The following AGBL3 variants were observed in gnomAD, a reference collection of about 807,000 sequenced individuals.
AGBL3 encodes the protein cytosolic carboxypeptidase 3.
Under a neutral mutation model 94.5 loss-of-function variants are expected in AGBL3, and 68 were observed. The observed-to-expected ratio is 0.72, with a 90% CI of 0.59 to 0.88. The LOEUF is 0.88. AGBL3 is among the 40% of genes least tolerant of loss of function. AGBL3 has a pLI of 0.00. For synonymous variants in AGBL3, 354 were observed against 370.7 expected, an observed-to-expected ratio of 0.95 and a Z score of 0.52; for missense variants, 934 against 1,103.8, an observed-to-expected ratio of 0.85 and a Z score of 2.18.
intron 15 of AGBL3, among the ~76,000 whole-genome samples, chr7:135,108,949 G>T (rs758889363): frequency 2.8e-4 from 42 of 152,150 alleles, no homozygotes; most frequent in Non-Finnish European, 5.3e-4. Flanking sequence ...CAAGCTCCAA[G>T]ATTCTTTCCT....
intron 8 of AGBL3, among the ~76,000 whole-genome samples, chr7:135,040,705 G>A (rs906342200): frequency 6.6e-6 from 1 of 152,108 alleles, no homozygotes; most frequent in South Asian, 2.1e-4. Flanking sequence ...TCTGCCCAAG[G>A]TCAGGAAGAA....
intron 11 of AGBL3, among the ~76,000 whole-genome samples, chr7:135,054,910 A>C (rs1486358832): frequency 6.6e-6 from 1 of 152,232 alleles, no homozygotes; most frequent in African/African-American, 2.4e-5. Flanking sequence ...AGGTTTATTT[A>C]GCTCATAGTT....
chr7:135,087,018 T>C (rs868243263), intron 15 of AGBL3, among the ~76,000 whole-genome samples: 2 of 152,022 alleles, frequency 1.3e-5, no homozygotes, highest in South Asian at 2.1e-4. Context: ...ACAGATTCAA[T>C]CATTACTCAT....
Position 135,059,198 on chromosome 7 carries a change from T to G in AGBL3, c.1871T>G (p.Ile624Ser). ...SSRGSDSSES[I>S]DSLTYLLKLT... ...CGAGGCTCTGACAGTTCAGAATCCA[T>G]TGACTCTCTGACTTACCTTCTCAAG... is the stretch of plus-strand genomic sequence containing the variant. The change falls in exon 12 of 17, where the codon ATT (isoleucine) becomes AGT (serine). Residue 624 changes from isoleucine to serine, a missense_variant. Ile to Ser is a moderately radical substitution (Grantham distance 142, BLOSUM62 -2). Coordinates refer to ENST00000436302, the MANE Select transcript of AGBL3 (RefSeq NM_178563.4). 6.4e-7 allele frequency: 1 copy of G among 1,551,350 alleles called. No homozygotes were observed.
chr7:135,073,258 A>C (rs1184749498), intron 12 of AGBL3, among the ~76,000 whole-genome samples: 4 of 151,884 alleles, frequency 2.6e-5, no homozygotes. Flanking sequence ...ACGAGGTCAG[A>C]AGTTCAAGAC....
intron 11 of AGBL3, among the ~76,000 whole-genome samples, chr7:135,053,857 G>A (rs1001651647): frequency 6.6e-6 from 1 of 152,080 alleles, no homozygotes; most frequent in East Asian, 1.9e-4. Flanking sequence ...CAATGTCTTC[G>A]ATTTTAAGAA....
chr7:135,056,223 A>G (rs1461332838), intron 11 of AGBL3, among the ~76,000 whole-genome samples: 1 of 151,874 alleles, frequency 6.6e-6, no homozygotes, highest in Non-Finnish European at 1.5e-5. Context: ...GTGTTCATTG[A>G]TTATTGATTC....
chr7:134,993,403 G>A, intron 3 of AGBL3, 90 bp from the exon 4 acceptor site: 1 of 1,113,196 alleles, frequency 9.0e-7, no homozygotes, highest in Admixed American at 3.0e-5. Context: ...ATTGAATAGT[G>A]TTGAAAGGAA....
At chr7:135,005,128 A>G (rs1216673133) in intron 4 of AGBL3, among the ~76,000 whole-genome samples, 1 of 151,610 alleles carries the variant, frequency 6.6e-6, no homozygotes, top group African/African-American at 2.4e-5. Flanking sequence ...TCTTTATCCA[A>G]TTAAGTCCTT....
chr7:135,011,460 AAC>A (rs1813144940), intron 4 of AGBL3: 1 of 152,206 alleles, frequency 6.6e-6, no homozygotes, highest in African/African-American at 2.4e-5. Context: ...CAAAAAATAA[AAC>A]GAGGCAAACA....
At chr7:135,030,200 G>A (rs1036572257) in intron 5 of AGBL3, among the ~76,000 whole-genome samples, 1 of 149,438 alleles carries the variant, frequency 6.7e-6, no homozygotes, top group Non-Finnish European at 1.5e-5. Flanking sequence ...CAGTATCTGT[G>A]AAGCACAATA....
intron 15 of AGBL3, chr7:135,092,619 T>C (rs1183498512): frequency 5.9e-5 from 9 of 152,268 alleles, no homozygotes; most frequent in Non-Finnish European, 1.0e-4. Context: ...ATGAAACAAA[T>C]GCTACTTATT....
intron 12 of AGBL3, among the ~76,000 whole-genome samples, chr7:135,067,258 C>A (rs1013215838): frequency 6.6e-6 from 1 of 152,164 alleles, no homozygotes; most frequent in Non-Finnish European, 1.5e-5. Context: ...CTGGGTTGAG[C>A]CCACCGCAGC....
At position 135,080,257 on chromosome 7, in the gene AGBL3, A is replaced by G; in HGVS notation, c.2035A>G (p.Lys679Glu). 1 of 1,548,652 alleles carries G rather than the reference A, an allele frequency of 6.5e-7. No homozygotes were observed. Among genetic ancestry groups the G allele is most frequent in the Non-Finnish European group, 8.7e-7 (1 of 1,144,572 alleles). ...QRHTQSNSDV[K>E]DTRPNEPDDY... The stretch of plus-strand genomic sequence containing the variant: ...ACACACACAATCAAATTCTGATGTG[A>G]AAGGTAATATTCTGCTTCTACCTTC... Residue 679 changes from lysine to glutamate, a missense_variant, in exon 14 of 17, where the codon AAA becomes GAA. Lys to Glu is a moderately conservative substitution (Grantham distance 56). Coordinates refer to ENST00000436302, the MANE Select transcript of AGBL3 (RefSeq NM_178563.4).
chr7:135,015,221 C>G (rs927507059), intron 4 of AGBL3, among the ~76,000 whole-genome samples: 1 of 152,100 alleles, frequency 6.6e-6, no homozygotes, highest in African/African-American at 2.4e-5. Flanking sequence ...AATTTCAAGC[C>G]AAAATCTTCT....
chr7:135,051,915 A>AT (rs1050639177), intron 11 of AGBL3, among the ~76,000 whole-genome samples: 7 of 152,046 alleles, frequency 4.6e-5, no homozygotes, highest in Admixed American at 2.6e-4. Context: ...GAAAGAGATT[A>AT]TTTTTTCTAT....
intron 16 of AGBL3, among the ~76,000 whole-genome samples, chr7:135,133,406 C>A (rs1254049067): frequency 6.6e-6 from 1 of 152,152 alleles, no homozygotes; most frequent in African/African-American, 2.4e-5. Context: ...CCAGCAAGAT[C>A]TTTTGTATAT....
rs1584927910 is a variant in AGBL3 at position 135,043,743 on chromosome 7, A to G, written c.1501-282A>G. Among the ~76,000 whole-genome samples the G allele has an allele frequency of 2.6e-5, 4 of 152,198 alleles. No homozygotes were observed. The East Asian group carries it at 7.7e-4, about 29-fold the overall frequency. ...TACCCACAAAAATTAAAAATTAAAAAAGAACTTATTTTGAATATATATGTT... is the reference window on the plus strand; with the variant it reads ...TACCCACAAAAATTAAAAATTAAAAGAGAACTTATTTTGAATATATATGTT... On this transcript the variant is annotated intron_variant, in intron 8 of 16. Transcript: ENST00000436302.
At chr7:135,051,404 T>G (rs1008748008) in intron 11 of AGBL3, among the ~76,000 whole-genome samples, 2 of 152,118 alleles carry the variant, frequency 1.3e-5, no homozygotes, top group Admixed American at 6.6e-5. Context: ...CCAATTAAAT[T>G]GGCCTGTGTT....
Sources: allele counts gnomAD v4.1 joint callset (sites outside exome capture counted in the v4.1 genomes callset), GRCh38; gene constraint gnomAD v4.1.1; transcripts MANE v1.5; gene names NCBI Gene and HGNC (gene_info 2026-07-23, HGNC 2026-07-21).